The following EML6 variants were observed in gnomAD, a reference collection of about 807,000 sequenced individuals.
The protein encoded by EML6 is EMAP like 6, also known as echinoderm microtubule-associated protein-like 6.
A neutral mutation model predicts 240.1 loss-of-function variants in EML6; 154 were observed. The observed-to-expected ratio is 0.64, with a 90% CI of 0.56 to 0.73. The LOEUF (loss-of-function observed/expected upper bound fraction) is 0.73. Among genes scored for constraint, EML6 ranks in the 30% least tolerant of loss-of-function variants. EML6 has a pLI of 0.00. For missense variants in EML6, 2,964 were observed against 2,474.6 expected, an observed-to-expected ratio of 1.20 and a Z score of -4.20; for synonymous variants, 1,148 against 899.0, an observed-to-expected ratio of 1.28 and a Z score of -4.95.
intron 2 of EML6, among the ~76,000 whole-genome samples, chr2:54,783,324 T>G (rs926902858): frequency 3.9e-5 from 6 of 152,224 alleles, no homozygotes; most frequent in Non-Finnish European, 8.8e-5. Context: ...ATATTGCAAG[T>G]AAAAATCAAG....
In EML6 at chr2:54,845,044, T is replaced by G. The variant is rs75784399; in HGVS notation, c.1049+796T>G. Among the ~76,000 whole-genome samples, 4 of 152,312 alleles carry G rather than the reference T, an allele frequency of 2.6e-5. No individual in the cohort carries two copies. The East Asian group carries it at 5.8e-4, about 22-fold the overall frequency. On this transcript the variant is annotated intron_variant, in intron 8 of 41. Transcript: ENST00000356458. ...CAATCGATTGAATGGCTACTGCCTCTGGGTTTTGATAGCTAATATAGAACA... is the reference window on the plus strand; with the variant it reads ...CAATCGATTGAATGGCTACTGCCTCGGGGTTTTGATAGCTAATATAGAACA...
At chr2:54,879,989 G>A (rs1053422758) in intron 17 of EML6, 4 of 181,102 alleles carry the variant, frequency 2.2e-5, no homozygotes, top group African/African-American at 9.4e-5. Context: ...CCTAGCATCT[G>A]GTGAAGGATT....
intron 7 of EML6, among the ~76,000 whole-genome samples, chr2:54,830,146 GAATAC>G (rs1668795071): frequency 6.6e-6 from 1 of 152,194 alleles, no homozygotes; most frequent in Non-Finnish European, 1.5e-5. Flanking sequence ...GTATATATCA[GAATAC>G]AATACATCTT....
intron 2 of EML6, among the ~76,000 whole-genome samples, chr2:54,767,851 A>AG (rs1183094120): frequency 6.6e-6 from 1 of 152,014 alleles, no homozygotes; most frequent in African/African-American, 2.4e-5. Flanking sequence ...CAAACTGCTG[A>AG]GCTCAAGCGA....
At chr2:54,914,802 A>G (rs532259037) in intron 25 of EML6, among the ~76,000 whole-genome samples, 250 of 152,256 alleles carry the variant, frequency 1.6e-3, no homozygotes, top group African/African-American at 5.7e-3. Context: ...TTTTTTAAGA[A>G]ACAATCATGG....
In EML6 at chr2:54,970,037, C is replaced by T. The variant is rs148683670; in HGVS notation, c.5853-34C>T. The T allele has an allele frequency of 2.0e-3, 3,099 of 1,551,084 alleles. 13 individuals carry two copies. Among genetic ancestry groups the T allele is most frequent in the Middle Eastern group, 9.3e-3 (56 of 5,992 alleles). Reference sequence around the variant, plus strand: ...CACTTGACACAAGTATGATGTCCAGCTATGCAAAATGACTGTTTGATCTGC... The same window carrying T: ...CACTTGACACAAGTATGATGTCCAGTTATGCAAAATGACTGTTTGATCTGC... On this transcript the variant is annotated intron_variant, in intron 41 of 41. Transcript: ENST00000356458.
chr2:54,957,727 C>T (rs767108460), intron 32 of EML6, 63 bp from the exon 33 acceptor site: 42 of 1,466,446 alleles, frequency 2.9e-5, no homozygotes, highest in Non-Finnish European at 3.4e-5. Context: ...TCCTGGGCTG[C>T]GGCTCCCCCG....
intron 26 of EML6, among the ~76,000 whole-genome samples, chr2:54,920,015 C>G (rs1408809701): frequency 6.6e-6 from 1 of 152,044 alleles, no homozygotes; most frequent in Non-Finnish European, 1.5e-5. Context: ...ATATAGTGAA[C>G]TAATAGAAAC....
At chr2:54,850,420 G>T in intron 10 of EML6, 1 of 548,228 alleles carries the variant, frequency 1.8e-6, no homozygotes. Flanking sequence ...AAAGGTATGA[G>T]TTGGAACATG....
rs947774999 is a variant in EML6, at chr2:54,844,112, A to G, written c.913A>G (p.Ile305Val). The G allele has an allele frequency of 2.1e-5, 32 of 1,551,482 alleles. No individual in the cohort carries two copies. The highest frequency in any genetic ancestry group is 2.5e-5 in the Non-Finnish European group (29 of 1,146,990). ...RLLAGTQDSE[I>V]FEVIVRERDK... Reference sequence around the variant, plus strand: ...TCTAGCAGGGACCCAGGACAGTGAGATATTTGAAGTGATTGTGCGAGAGCG... The same window carrying G: ...TCTAGCAGGGACCCAGGACAGTGAGGTATTTGAAGTGATTGTGCGAGAGCG... Residue 305 changes from isoleucine (I) to valine (V), a missense_variant, in exon 8 of 42, where the codon ATA becomes GTA. By Grantham distance (29) the Ile-to-Val change is conservative (BLOSUM62 3). Coordinates refer to ENST00000356458, the MANE Select transcript of EML6 (RefSeq NM_001039753.4).
At chr2:54,961,722 G>T (rs1187323831) in intron 35 of EML6, among the ~76,000 whole-genome samples, 4 of 151,892 alleles carry the variant, frequency 2.6e-5, no homozygotes, top group Non-Finnish European at 5.9e-5. Context: ...CAAAACACTG[G>T]CCAGGCATGG....
At chr2:54,941,095 G>A (rs1454472905) in intron 28 of EML6, among the ~76,000 whole-genome samples, 1 of 152,198 alleles carries the variant, frequency 6.6e-6, no homozygotes, top group African/African-American at 2.4e-5. Flanking sequence ...AGAAATCTGG[G>A]AGAAGTTGCC....
At chr2:54,830,757 A>G (rs373620127) in intron 7 of EML6, among the ~76,000 whole-genome samples, 1 of 152,216 alleles carries the variant, frequency 6.6e-6, no homozygotes, top group Non-Finnish European at 1.5e-5. Flanking sequence ...TGAGCTGGAT[A>G]TTGTACTTCC....
At chr2:54,784,301 G>A (rs1334326520) in intron 2 of EML6, among the ~76,000 whole-genome samples, 1 of 152,060 alleles carries the variant, frequency 6.6e-6, no homozygotes, top group Non-Finnish European at 1.5e-5. Flanking sequence ...AAATCAATTA[G>A]CAAGCAACTA....
chr2:54,855,021 A>G (rs1279963158), intron 11 of EML6, among the ~76,000 whole-genome samples: 1 of 152,248 alleles, frequency 6.6e-6, no homozygotes, highest in African/African-American at 2.4e-5. Context: ...GATAATTGAT[A>G]TCCTATACAT....
Position 54,918,521 on chromosome 2 carries a change from AC to A in EML6, c.3675+1587del, listed in dbSNP as rs1674054070. Among the ~76,000 whole-genome samples, 5 of 151,842 alleles carry A rather than the reference AC, an allele frequency of 3.3e-5. No homozygotes were observed. In the South Asian group the frequency reaches 1.0e-3, roughly 32 times the overall value. ...ACCACCATGCCCAGCTAATTTTTTT[AC>A]TTTTTGTAGAGATGGGGTCTCACTA... On this transcript the variant is annotated intron_variant, in intron 26 of 41. Transcript: ENST00000356458.
chr2:54,823,289 G>C (rs1304013640), intron 5 of EML6, among the ~76,000 whole-genome samples: 4 of 152,158 alleles, frequency 2.6e-5, no homozygotes, highest in Admixed American at 2.6e-4. Context: ...GGTGAGTTTG[G>C]TAGGAAGGGT....
chr2:54,966,267 G>A (rs1354954184), intron 38 of EML6, among the ~76,000 whole-genome samples: 2 of 152,242 alleles, frequency 1.3e-5, no homozygotes, highest in Non-Finnish European at 2.9e-5. Context: ...TTAAGCTGAG[G>A]TCTGCAGGGT....
chr2:54,820,538 T>G (rs1384540494), intron 5 of EML6, 76 bp downstream of exon 5: 13 of 854,564 alleles, frequency 1.5e-5, no homozygotes, highest in Non-Finnish European at 2.2e-5. Context: ...AATTTGATGT[T>G]GAGAGACTGC....
Sources: gnomAD v4.1 joint callset for allele counts (sites outside exome capture counted in the v4.1 genomes callset) on GRCh38, gnomAD v4.1.1 for gene constraint, MANE v1.5 for transcripts, NCBI Gene and HGNC (gene_info 2026-07-23, HGNC 2026-07-21) for gene names.